The following TCF25 variants were observed in gnomAD, a reference collection of about 807,000 sequenced individuals.
TCF25 encodes the protein ribosome quality control complex subunit TCF25.
Under a neutral mutation model 83.1 loss-of-function variants are expected in TCF25, and 41 were observed. The observed-to-expected ratio is 0.49, with a 90% CI of 0.38 to 0.64. The LOEUF is 0.64. Among genes scored for constraint, TCF25 ranks in the 30% least tolerant of loss-of-function variants. TCF25 has a pLI of 0.00. For missense variants in TCF25, 979 were observed against 914.5 expected (o/e 1.07, Z -0.91); for synonymous variants, 458 against 365.0 (o/e 1.25, Z -2.90).
chr16:89,900,647 C>T lies in TCF25; in HGVS notation c.1234C>T (p.Leu412=). 1 of 1,592,710 alleles carries T rather than the reference C, an allele frequency of 6.3e-7. No individual in the cohort carries two copies. Among genetic ancestry groups the T allele is most frequent in the Non-Finnish European group, 8.6e-7 (1 of 1,162,038 alleles). The change falls in exon 12 of 18, where the codon CTG becomes TTG. Residue 412 remains leucine (L), a synonymous_variant. Transcript: ENST00000263346. ...LFQEWEAHRN[L]SQLPNFAFSV... ...TCGTCCCTCGTAGGCTCATCGGAAC[C>T]TGTCCCAGCTCCCTAATTTTGCCTT...
At chr16:89,886,995 G>A (rs2043065794) in intron 4 of TCF25, among the ~76,000 whole-genome samples, 1 of 152,128 alleles carries the variant, frequency 6.6e-6, no homozygotes, top group South Asian at 2.1e-4. Flanking sequence ...ATATTTCAGA[G>A]AACTTCTAGT....
At chr16:89,875,154 T>C (rs150782153) in intron 1 of TCF25, among the ~76,000 whole-genome samples, 18 of 152,340 alleles carry the variant, frequency 1.2e-4, no homozygotes, top group African/African-American at 4.3e-4. Context: ...CATGAGCCAC[T>C]GTGCTTGGCC....
intron 7 of TCF25, 81 bp from the exon 8 acceptor site, chr16:89,894,956 TA>T: frequency 7.6e-7 from 1 of 1,320,110 alleles, no homozygotes; most frequent in Admixed American, 2.0e-5. Flanking sequence ...CCGCTGGTTT[TA>T]AATGTCTGAA....
intron 1 of TCF25, among the ~76,000 whole-genome samples, chr16:89,879,048 A>G (rs2042396345): frequency 6.6e-6 from 1 of 152,232 alleles, no homozygotes; most frequent in Admixed American, 6.5e-5. Flanking sequence ...TGAAGAAGCA[A>G]AACTAGGCCT....
chr16:89,910,964 A>G, intron 17 of TCF25, 116 bp from the exon 18 acceptor site: 1 of 1,403,536 alleles, frequency 7.1e-7, no homozygotes, highest in Non-Finnish European at 9.7e-7. Flanking sequence ...GGGAGGGTTC[A>G]GGGTCCGGTG....
Position 89,907,230 on chromosome 16 carries a change from T to C in TCF25, c.1720-13T>C. 1 of 1,612,544 alleles carries C rather than the reference T, an allele frequency of 6.2e-7. No individual in the cohort carries two copies. The highest frequency in any genetic ancestry group is 8.5e-7 in the Non-Finnish European group (1 of 1,179,170). On this transcript the variant is annotated splice_polypyrimidine_tract_variant and intron_variant, in intron 15 of 17. Coordinates refer to ENST00000263346, the MANE Select transcript of TCF25 (RefSeq NM_014972.3). ...GCATCTGTAGCATCTTCGTTTTATG[T>C]CCCTTTCTGAAGGACGTGACCACGC...
intron 16 of TCF25, among the ~76,000 whole-genome samples, chr16:89,908,804 C>G (rs1328639624): frequency 1.5e-5 from 2 of 135,504 alleles, no homozygotes; most frequent in African/African-American, 6.9e-5. Flanking sequence ...CCTCCCAGCT[C>G]CCACCTCGCA....
intron 12 of TCF25, among the ~76,000 whole-genome samples, chr16:89,901,195 T>G (rs1474536971): frequency 6.6e-6 from 1 of 152,360 alleles, no homozygotes; most frequent in Non-Finnish European, 1.5e-5. Context: ...TGGAGGCCTG[T>G]GCCGCCCAGA....
At chr16:89,877,184 T>G (rs1414803993) in intron 1 of TCF25, among the ~76,000 whole-genome samples, 1 of 152,136 alleles carries the variant, frequency 6.6e-6, no homozygotes, top group Non-Finnish European at 1.5e-5. Context: ...CCTGTCAGTT[T>G]TTGCTGTGTG....
chr16:89,888,313 C>T (rs1026964578), intron 5 of TCF25, among the ~76,000 whole-genome samples: 8 of 147,756 alleles, frequency 5.4e-5, no homozygotes, highest in African/African-American at 7.5e-5. Flanking sequence ...CTAGTTTTGT[C>T]GTGGTGGCTC....
chr16:89,879,023 T>G (rs2042395083), intron 1 of TCF25, among the ~76,000 whole-genome samples: 1 of 152,228 alleles, frequency 6.6e-6, no homozygotes, highest in African/African-American at 2.4e-5. Flanking sequence ...TCATGTGTCA[T>G]CACCAAAACT....
intron 16 of TCF25, 100 bp downstream of exon 16, chr16:89,907,422 CAG>C: frequency 3.7e-6 from 1 of 270,236 alleles, no homozygotes; most frequent in Non-Finnish European, 6.3e-6. Flanking sequence ...TTCCAGCTCC[CAG>C]CTCCCACCTA....
intron 1 of TCF25, among the ~76,000 whole-genome samples, chr16:89,875,028 C>T (rs2042069687): frequency 6.6e-6 from 1 of 152,060 alleles, no homozygotes; most frequent in Non-Finnish European, 1.5e-5. Context: ...GAGATGGAAT[C>T]TTGCTCTGTT....
At chr16:89,884,525 C>T (rs2042837613) in intron 2 of TCF25, 57 bp from the exon 3 acceptor site, 3 of 1,583,968 alleles carry the variant, frequency 1.9e-6, no homozygotes, top group Non-Finnish European at 2.6e-6. Context: ...TGCTTTAATT[C>T]TCACTTCTTA....
chr16:89,880,509 G>T (rs191340577), intron 1 of TCF25, among the ~76,000 whole-genome samples: 3 of 151,974 alleles, frequency 2.0e-5, no homozygotes, highest in African/African-American at 7.3e-5. Flanking sequence ...ACTTGAATCC[G>T]GGAGGCGGAG....
At chr16:89,892,317 G>A (rs926682425) in intron 6 of TCF25, 42 bp downstream of exon 6, 2 of 1,582,500 alleles carry the variant, frequency 1.3e-6, no homozygotes, top group East Asian at 4.7e-5. Flanking sequence ...GGGTTGGGGG[G>A]CGTTGTCTGT....
chr16:89,882,554 G>A (rs1567698445), intron 1 of TCF25, among the ~76,000 whole-genome samples: 1 of 151,646 alleles, frequency 6.6e-6, no homozygotes, highest in Non-Finnish European at 1.5e-5. Flanking sequence ...GAGAGAGAAG[G>A]TTTCATCGTA....
intron 11 of TCF25, among the ~76,000 whole-genome samples, chr16:89,900,256 C>T (rs1163098041): frequency 1.3e-5 from 2 of 152,130 alleles, no homozygotes; most frequent in Admixed American, 6.6e-5. Flanking sequence ...GAAACTCGCG[C>T]GGCAGTGGGC....
chr16:89,907,132 C>CTCA, intron 15 of TCF25, 111 bp from the exon 16 acceptor site: 1 of 1,080,010 alleles, frequency 9.3e-7, no homozygotes, highest in Non-Finnish European at 1.4e-6. Flanking sequence ...GTGGCTATCT[C>CTCA]TCAGCAGATG....
Sources: allele counts gnomAD v4.1 joint callset (sites outside exome capture counted in the v4.1 genomes callset), GRCh38; gene constraint gnomAD v4.1.1; transcripts MANE v1.5; gene names NCBI Gene and HGNC (gene_info 2026-07-23, HGNC 2026-07-21).